Variants in SON observed in about 807,000 individuals in gnomAD.
SON encodes the protein SON DNA and RNA binding protein, also known as protein SON.
A neutral mutation model predicts 173.3 loss-of-function variants in SON; 4 were observed. The ratio of observed to expected loss-of-function variants is 0.02; its 90% confidence interval spans 0.01 to 0.05. The LOEUF (loss-of-function observed/expected upper bound fraction) is 0.05, where lower values mean the gene tolerates loss of function less well. Ranked by LOEUF, SON falls within the 10% of genes least tolerant of loss-of-function variation. The pLI is 1.00. For synonymous variants in SON, 1,190 were observed against 1,105.9 expected, an observed-to-expected ratio of 1.08 and a Z score of -1.51; for missense variants, 2,626 against 3,055.3, an observed-to-expected ratio of 0.86 and a Z score of 3.31.
In SON at chr21:33,551,319, G is replaced by T. The variant is rs578078467; in HGVS notation, c.2088G>T (p.Val696=). 10 of 1,613,990 alleles carry T rather than the reference G, an allele frequency of 6.2e-6. No homozygotes were observed. The highest frequency in any genetic ancestry group is 1.6e-4 in the Middle Eastern group (1 of 6,082). Reference sequence around the variant, plus strand: ...CACAGGAGCTGCCTACTACATTAGTGGGGGAGACTTCTGTAACAGTAGGAG... The same window carrying T: ...CACAGGAGCTGCCTACTACATTAGTTGGGGAGACTTCTGTAACAGTAGGAG... ...TVAQELPTTL[V]GETSVTVGVD... The change falls in exon 3 of 12, where the codon GTG becomes GTT. Residue 696 remains valine, a synonymous_variant. Coordinates refer to ENST00000356577, the MANE Select transcript of SON (RefSeq NM_138927.4).
At position 33,554,356 on chromosome 21, in the gene SON, C is replaced by T. The variant is rs1402718265; in HGVS notation, c.5125C>T (p.Pro1709Ser). 3 of 1,614,010 alleles carry T rather than the reference C, an allele frequency of 1.9e-6. No homozygotes were observed. The highest frequency in any genetic ancestry group is 1.7e-6 in the Non-Finnish European group (2 of 1,179,906). ...KESSGGEKEVPPPPKETLPDS... is the reference protein window; with the variant it reads ...KESSGGEKEVSPPPKETLPDS... The stretch of plus-strand genomic sequence containing the variant: ...AAGTAGTGGAGGAGAAAAAGAAGTA[C>T]CTCCCCCTCCTAAAGAGACACTGCC... Residue 1709 changes from proline (P) to serine (S), a missense_variant, in exon 3 of 12, where the codon CCT becomes TCT. Pro to Ser is a moderately conservative substitution (Grantham distance 74, BLOSUM62 -1). Around this residue, in one of 13 missense-constraint regions of SON, gnomAD observed 1,006 missense variants for 895.6 expected, o/e 1.12. Coordinates refer to ENST00000356577, the MANE Select transcript of SON (RefSeq NM_138927.4).
intron 3 of SON, among the ~76,000 whole-genome samples, chr21:33,555,802 G>C (rs2085955132): frequency 1.3e-5 from 2 of 152,160 alleles, no homozygotes; most frequent in Non-Finnish European, 2.9e-5. Context: ...TTTTAAATAA[G>C]TTAACATATC....
chr21:33,553,891 G>A lies in SON; in HGVS notation c.4660G>A (p.Gly1554Ser). 1 of 1,614,070 alleles carries A rather than the reference G, an allele frequency of 6.2e-7. No individual in the cohort carries two copies. The highest frequency in any genetic ancestry group is 1.1e-5 in the South Asian group (1 of 91,078). Residue 1554 changes from glycine (G) to serine (S), a missense_variant, in exon 3 of 12, where the codon GGT (glycine) becomes AGT (serine). Physicochemically the swap from Gly to Ser is moderately conservative, Grantham distance 56 (BLOSUM62 0). Around this residue, in one of 13 missense-constraint regions of SON, gnomAD observed 1,006 missense variants for 895.6 expected, o/e 1.12. Transcript: ENST00000356577. ...EMEHNTVCAA[G>S]TSPVGEIGEE... is the part of the protein sequence containing the mutation. ...GGAACATAATACAGTGTGTGCTGCT[G>A]GTACTAGTCCTGTTGGGGAAATTGG...
Position 33,549,563 on chromosome 21 carries a change from A to T in SON, c.332A>T (p.His111Leu). The T allele has an allele frequency of 2.5e-6, 4 of 1,590,092 alleles. No homozygotes were observed. Among genetic ancestry groups the T allele is most frequent in the Non-Finnish European group, 3.4e-6 (4 of 1,173,150 alleles). ...ATTCCCACTAAAAAGTCAAAGAAGC[A>T]TAAAAAGCACAAAAACAAAAAGAAG... is the stretch of plus-strand genomic sequence containing the variant. Reference protein sequence around the residue: ...DEIPTKKSKKHKKHKNKKKKK... With the variant: ...DEIPTKKSKKLKKHKNKKKKK... Residue 111 changes from histidine to leucine, a missense_variant, in exon 3 of 12, where the codon CAT becomes CTT. His to Leu is a moderately conservative substitution (Grantham distance 99, BLOSUM62 -3). This residue lies in a region of SON where 757 missense variants were observed against 730.1 expected (regional missense o/e 1.04). Transcript: ENST00000356577.
At chr21:33,573,565 A>AAGAAGT in intron 9 of SON, 110 bp downstream of exon 9, 1 of 921,326 alleles carries the variant, frequency 1.1e-6, no homozygotes, top group Non-Finnish European at 1.6e-6. Context: ...GTATATATAC[A>AAGAAGT]GGTATTTGTC....
intron 3 of SON, 94 bp from the exon 4 acceptor site, chr21:33,557,062 G>T: frequency 8.9e-7 from 1 of 1,119,382 alleles, no homozygotes; most frequent in South Asian, 1.7e-5. Flanking sequence ...GATGGATCTA[G>T]GATGCCTTTA....
rs1375035704 is a variant in SON at position 33,559,758 on chromosome 21, A to T, written c.6640A>T (p.Ser2214Cys). Residue 2214 changes from serine (S) to cysteine (C), a missense_variant, in exon 6 of 12, where the codon AGC (serine) becomes TGC (cysteine). This residue lies in a region of SON where 75 missense variants were observed against 201.6 expected (regional missense o/e 0.37). Coordinates refer to ENST00000356577, the MANE Select transcript of SON (RefSeq NM_138927.4). This position sits in a 1 kb window ranked among gnomAD's most constrained non-coding sequence, Gnocchi z 4.1. ...CAAAGATGATGATAATGTTTTCAGC[A>T]GCAATTTGCCCTCAGAGGTAAGTAG... The part of the protein sequence containing the change: ...ENKDDDNVFS[S>C]NLPSEPVDIS... 1 of 1,613,870 alleles carries T rather than the reference A, an allele frequency of 6.2e-7. No individual in the cohort carries two copies. The highest frequency in any genetic ancestry group is 8.5e-7 in the Non-Finnish European group (1 of 1,179,922).
At chr21:33,557,777 T>A in intron 4 of SON, 3 of 1,259,900 alleles carry the variant, frequency 2.4e-6, no homozygotes, top group Non-Finnish European at 3.1e-6. Flanking sequence ...GAAAGGAACT[T>A]CTTTCGCATC....
intron 1 of SON, among the ~76,000 whole-genome samples, chr21:33,545,653 A>G (rs1223565340): frequency 6.6e-6 from 1 of 152,234 alleles, no homozygotes; most frequent in Non-Finnish European, 1.5e-5. Flanking sequence ...TAATTGTGTA[A>G]AAATTACATA....
chr21:33,556,586 C>T lies in SON; in HGVS notation c.6161-570C>T, dbSNP rs150966335. The stretch of plus-strand genomic sequence containing the variant: ...AAAATTAGATGGGTGTGGTGGCACG[C>T]GCCTGTAGTCCCAGCTACTCGGGAG... On this transcript the variant is annotated intron_variant, in intron 3 of 11. Coordinates refer to ENST00000356577, the MANE Select transcript of SON (RefSeq NM_138927.4). Among the ~76,000 whole-genome samples the T allele has an allele frequency of 3.3e-4, 50 of 151,894 alleles. 2 individuals carry two copies. The East Asian group carries it at 6.4e-3, about 19-fold the overall frequency.
intron 4 of SON, chr21:33,557,841 A>G: frequency 1.9e-6 from 1 of 530,726 alleles, no homozygotes; most frequent in Non-Finnish European, 3.1e-6. Context: ...ATGGCCGGCC[A>G]TTATCAGTTC....
rs1348067786 is a variant in SON at position 33,543,185 on chromosome 21, A to G, written c.77+16A>G. On this transcript the variant is annotated intron_variant, in intron 1 of 11. Coordinates refer to ENST00000356577, the MANE Select transcript of SON (RefSeq NM_138927.4). The stretch of plus-strand genomic sequence containing the variant: ...AGCTTTCCAGGTAAACGCCTCCCAG[A>G]TTCTTCTGCTCCCAACGGACCGTTA... The G allele has an allele frequency of 1.9e-6, 3 of 1,607,084 alleles. No homozygotes were observed. Among genetic ancestry groups the G allele is most frequent in the Non-Finnish European group, 1.7e-6 (2 of 1,173,648 alleles).
At position 33,575,582 on chromosome 21, in the gene SON, AT is replaced by A. The variant is rs759968061; in HGVS notation, c.7034-5del. On this transcript the variant is annotated splice_polypyrimidine_tract_variant and intron_variant, in intron 9 of 11. Transcript: ENST00000356577. ...TGCTTTGAAATTTATTTAGTGAACA[AT>A]TTTTTTTTAAAGGTCTTGTTGCAGT... 8.4e-5 allele frequency: 132 copies of A among 1,580,246 alleles called. No individual in the cohort carries two copies. The highest frequency in any genetic ancestry group is 2.1e-4 in the Middle Eastern group (1 of 4,666).
chr21:33,543,076 A>G lies in SON; in HGVS notation c.-17A>G. 6.2e-7 allele frequency: 1 copy of G among 1,613,704 alleles called. No individual in the cohort carries two copies. Among genetic ancestry groups the G allele is most frequent in the Non-Finnish European group, 8.5e-7 (1 of 1,179,536 alleles). ...GGAGGACTAGCGAGGAGGAGTTGAGAGAACGGAGCGGACGCCATGGCGACC... is the reference window on the plus strand; with the variant it reads ...GGAGGACTAGCGAGGAGGAGTTGAGGGAACGGAGCGGACGCCATGGCGACC... On this transcript the variant is annotated 5_prime_UTR_variant, in exon 1 of 12. Coordinates refer to ENST00000356577, the MANE Select transcript of SON (RefSeq NM_138927.4).
At position 33,551,256 on chromosome 21, in the gene SON, G is replaced by A. The variant is rs768402607; in HGVS notation, c.2025G>A (p.Val675=). The A allele has an allele frequency of 1.2e-6, 2 of 1,614,040 alleles. No homozygotes were observed. The highest frequency in any genetic ancestry group is 4.5e-5 in the East Asian group (2 of 44,858). The part of the protein sequence containing the change: ...STMTVSQSLE[V]PSTTALESYN... Reference sequence around the variant, plus strand: ...TGACCGTGTCGCAGTCCCTGGAGGTGCCCTCGACGACAGCGCTGGAATCCT... The same window carrying A: ...TGACCGTGTCGCAGTCCCTGGAGGTACCCTCGACGACAGCGCTGGAATCCT... Residue 675 remains valine (V), a synonymous_variant, in exon 3 of 12, where the codon GTG becomes GTA. Coordinates refer to ENST00000356577, the MANE Select transcript of SON (RefSeq NM_138927.4).
intron 8 of SON, among the ~76,000 whole-genome samples, chr21:33,571,185 T>C (rs2086276887): frequency 6.6e-6 from 1 of 152,170 alleles, no homozygotes; most frequent in Non-Finnish European, 1.5e-5. Context: ...TTCATTTGTA[T>C]AGAATTACTG....
At position 33,552,624 on chromosome 21, in the gene SON, T is replaced by G. The variant is rs748569654; in HGVS notation, c.3393T>G (p.Ser1131=). The change falls in exon 3 of 12, where the codon TCT becomes TCG. Residue 1131 remains serine (S), a synonymous_variant. Coordinates refer to ENST00000356577, the MANE Select transcript of SON (RefSeq NM_138927.4). The surrounding 1 kb of genome is among the most constrained non-coding windows in gnomAD (Gnocchi z 5.6). ...DRSMMSMAAD[S]YTDSYTDTYT... The stretch of plus-strand genomic sequence containing the variant: ...CAATGATGTCTATGGCTGCTGATTC[T>G]TACACCGATTCTTACACTGACACAT... 9 of 1,613,956 alleles carry G rather than the reference T, an allele frequency of 5.6e-6. No homozygotes were observed. The South Asian group carries it at 7.7e-5, about 14-fold the overall frequency.
rs774284480 is a variant in SON, at chr21:33,549,538, A to G, written c.307A>G (p.Ile103Val). ...VSVQTDPTDEIPTKKSKKHKK... is the reference protein window; with the variant it reads ...VSVQTDPTDEVPTKKSKKHKK... Reference sequence around the variant, plus strand: ...TGTACAAACAGATCCTACTGATGAAATTCCCACTAAAAAGTCAAAGAAGCA... The same window carrying G: ...TGTACAAACAGATCCTACTGATGAAGTTCCCACTAAAAAGTCAAAGAAGCA... Residue 103 changes from isoleucine to valine, a missense_variant, in exon 3 of 12, where the codon ATT becomes GTT. Ile to Val is a conservative substitution (Grantham distance 29). Coordinates refer to ENST00000356577, the MANE Select transcript of SON (RefSeq NM_138927.4). 11 of 1,582,510 alleles carry G rather than the reference A, an allele frequency of 7.0e-6. No homozygotes were observed. The highest frequency in any genetic ancestry group is 9.4e-6 in the Non-Finnish European group (11 of 1,171,304).
Position 33,543,089 on chromosome 21 carries a change from C to G in SON, c.-4C>G. On this transcript the variant is annotated 5_prime_UTR_variant, in exon 1 of 12. Coordinates refer to ENST00000356577, the MANE Select transcript of SON (RefSeq NM_138927.4). ...GGAGGAGTTGAGAGAACGGAGCGGA[C>G]GCCATGGCGACCAACATCGAGCAGA... 6.2e-7 allele frequency: 1 copy of G among 1,614,082 alleles called. No individual in the cohort carries two copies. Among genetic ancestry groups the G allele is most frequent in the Non-Finnish European group, 8.5e-7 (1 of 1,179,896 alleles).
Sources: allele counts gnomAD v4.1 joint callset (sites outside exome capture counted in the v4.1 genomes callset), GRCh38; gene constraint gnomAD v4.1.1; regional missense constraint gnomAD v4.1.1; non-coding constraint Gnocchi (gnomAD v3.1); transcripts MANE v1.5; gene names NCBI Gene and HGNC (gene_info 2026-07-23, HGNC 2026-07-21).